Variants in TRIM9 observed in about 807,000 individuals in gnomAD.
The protein encoded by TRIM9 is tripartite motif containing 9, also known as E3 ubiquitin-protein ligase TRIM9.
TRIM9 carries 26 observed loss-of-function variants against 78.3 expected under a neutral mutation model. The ratio of observed to expected loss-of-function variants is 0.33; its 90% CI spans 0.24 to 0.46. The LOEUF is 0.46. Among genes scored for constraint, TRIM9 ranks in the 20% least tolerant of loss-of-function variants. The probability of loss-of-function intolerance (pLI) is 1.00; values close to 1 mark genes in which losing one functional copy is unlikely to be tolerated. For synonymous variants in TRIM9, 398 were observed against 416.5 expected (o/e 0.96, Z 0.54); for missense variants, 787 against 1,036.4 (o/e 0.76, Z 3.30).
At chr14:50,994,268 A>T (rs2053913475) in intron 7 of TRIM9, among the ~76,000 whole-genome samples, 1 of 152,216 alleles carries the variant, frequency 6.6e-6, no homozygotes, top group African/African-American at 2.4e-5. Flanking sequence ...TTAGCCAGAC[A>T]TGGTGGCACA....
chr14:51,036,594 T>C (rs541363149), intron 1 of TRIM9, among the ~76,000 whole-genome samples: 3 of 152,344 alleles, frequency 2.0e-5, no homozygotes, highest in Admixed American at 2.0e-4. Context: ...AAGTACTATG[T>C]AAATAATTGT....
chr14:51,016,949 G>A (rs904223463), intron 3 of TRIM9, among the ~76,000 whole-genome samples: 9 of 152,146 alleles, frequency 5.9e-5, no homozygotes, highest in Non-Finnish European at 8.8e-5. Context: ...TTCTCCATGC[G>A]TCCTTTTGAT....
chr14:51,093,922 G>T (rs1231726199), intron 1 of TRIM9, among the ~76,000 whole-genome samples, 196 bp downstream of exon 1: 1 of 152,230 alleles, frequency 6.6e-6, no homozygotes. Context: ...CTCTGTGGGG[G>T]CATTCAACTC....
At chr14:51,051,025 T>C (rs1566616695) in intron 1 of TRIM9, among the ~76,000 whole-genome samples, 1 of 152,124 alleles carries the variant, frequency 6.6e-6, no homozygotes, top group Admixed American at 6.5e-5. Flanking sequence ...AGATAATGAG[T>C]TGTTTTTAGT....
Position 50,979,411 on chromosome 14 carries a change from C to G in TRIM9, c.2301G>C (p.Ala767=), listed in dbSNP as rs766028649. 6.2e-7 allele frequency: 1 copy of G among 1,614,136 alleles called. No homozygotes were observed. Among genetic ancestry groups the G allele is most frequent in the Non-Finnish European group, 8.5e-7 (1 of 1,180,020 alleles). Residue 767 remains alanine, a synonymous_variant, in exon 12 of 13, where the codon GCG becomes GCC. Coordinates refer to ENST00000684578, the MANE Select transcript of TRIM9 (RefSeq NM_001387360.1). ...CCTGCACGTTCCTGTTCAGGCTGAC[C>G]GCAGGGAAGAAGAGGCCCTCCACGT... ...FDNVEGLFFP[A]VSLNRNVQVT...
At position 50,997,124 on chromosome 14, in the gene TRIM9, A is replaced by C. The variant is rs947501464; in HGVS notation, c.1603+926T>G. On this transcript the variant is annotated intron_variant, in intron 7 of 12. Transcript: ENST00000684578. ...AGGTGGGGGGGTGATTTCTTTGATTAAAATGACACCCCAAAGTGTCAGAAT... is the reference window on the plus strand; with the variant it reads ...AGGTGGGGGGGTGATTTCTTTGATTCAAATGACACCCCAAAGTGTCAGAAT... 4 of 985,320 alleles carry C rather than the reference A, an allele frequency of 4.1e-6. No homozygotes were observed. The South Asian group carries it at 1.9e-4, about 46-fold the overall frequency. 61.0% of individuals were successfully genotyped at this position (985,320 alleles called of 1,614,324 possible). A position where few individuals can be genotyped will look rare whatever the true frequency, so the allele number is the denominator to read the frequency against.
intron 1 of TRIM9, 128 bp downstream of exon 1, chr14:51,093,990 T>C: frequency 1.1e-6 from 1 of 894,544 alleles, no homozygotes; most frequent in Non-Finnish European, 1.7e-6. Context: ...ACCAGGGAGG[T>C]AAACATCGAA....
At chr14:51,029,757 A>T (rs1448493063) in intron 1 of TRIM9, among the ~76,000 whole-genome samples, 1 of 144,250 alleles carries the variant, frequency 6.9e-6, no homozygotes, top group Non-Finnish European at 1.6e-5. Context: ...CATTTTGCAG[A>T]GGTGCCGAGA....
chr14:51,079,718 G>C (rs1478173234), intron 1 of TRIM9, among the ~76,000 whole-genome samples: 1 of 152,178 alleles, frequency 6.6e-6, no homozygotes, highest in Admixed American at 6.5e-5. Context: ...TCAATGTCAG[G>C]CTGGAGGTAA....
At chr14:51,085,730 T>A (rs893816109) in intron 1 of TRIM9, among the ~76,000 whole-genome samples, 1 of 152,244 alleles carries the variant, frequency 6.6e-6, no homozygotes, top group Non-Finnish European at 1.5e-5. Flanking sequence ...AATCTACTTA[T>A]TAGTTTATGG....
intron 1 of TRIM9, chr14:51,090,570 AT>A (rs2064209564): frequency 6.6e-6 from 1 of 152,228 alleles, no homozygotes; most frequent in Admixed American, 6.5e-5. Context: ...ACACAGAATA[AT>A]TGTTACAAAT....
intron 3 of TRIM9, among the ~76,000 whole-genome samples, chr14:51,016,919 A>T (rs545631302): frequency 1.3e-5 from 2 of 152,326 alleles, no homozygotes; most frequent in African/African-American, 4.8e-5. Flanking sequence ...TACTTTTAAG[A>T]TGCAAGTTTG....
intron 11 of TRIM9, among the ~76,000 whole-genome samples, chr14:50,981,317 T>A (rs1566539867): frequency 6.6e-6 from 1 of 152,216 alleles, no homozygotes; most frequent in Non-Finnish European, 1.5e-5. Flanking sequence ...TGAATCGTAA[T>A]AAGAAGAATG....
rs1179854969 is a variant in TRIM9 at position 50,998,170 on chromosome 14, C to T, written c.1483G>A (p.Glu495Lys). 1.2e-6 allele frequency: 2 copies of T among 1,614,060 alleles called. No homozygotes were observed. The highest frequency in any genetic ancestry group is 2.7e-5 in the African/African-American group (2 of 74,922). ...GQFREVYVGK[E>K]TMCTVDGLHF... ...AGACCATCCACAGTGCACATTGTCTCCTTCCCCACATACACCTCCTGAGAG... is the reference window on the plus strand; with the variant it reads ...AGACCATCCACAGTGCACATTGTCTTCTTCCCCACATACACCTCCTGAGAG... Residue 495 changes from glutamate (E) to lysine (K), a missense_variant, in exon 7 of 13, where the codon GAG (glutamate) becomes AAG (lysine). Physicochemically the swap from Glu to Lys is moderately conservative, Grantham distance 56. This residue lies in a region of TRIM9 where 421 missense variants were observed against 514.3 expected (regional missense o/e 0.82). Coordinates refer to ENST00000684578, the MANE Select transcript of TRIM9 (RefSeq NM_001387360.1).
At chr14:50,982,152 T>G (rs745930622) in intron 10 of TRIM9, 49 bp from the exon 11 acceptor site, 1 of 1,596,364 alleles carries the variant, frequency 6.3e-7, no homozygotes, top group East Asian at 2.3e-5. Flanking sequence ...CCCAACAAGC[T>G]CAGCACCATA....
At position 51,009,225 on chromosome 14, in the gene TRIM9, G is replaced by A. The variant is rs765530241; in HGVS notation, c.1161C>T (p.Asp387=). Reference sequence around the variant, plus strand: ...TCAGGTGCACTCTTCTTATGAGGGCGTCAGAAATCTAATCAGATAAAGAGG... The same window carrying A: ...TCAGGTGCACTCTTCTTATGAGGGCATCAGAAATCTAATCAGATAAAGAGG... ...NDPSGFLQIS[D]ALIRRVHLTE... is the part of the protein sequence containing the mutation. Residue 387 remains aspartate, a synonymous_variant, in exon 5 of 13, where the codon GAC becomes GAT. Coordinates refer to ENST00000684578, the MANE Select transcript of TRIM9 (RefSeq NM_001387360.1). 29 of 1,613,804 alleles carry A rather than the reference G, an allele frequency of 1.8e-5. No individual in the cohort carries two copies. The highest frequency in any genetic ancestry group is 8.0e-5 in the African/African-American group (6 of 74,902).
intron 2 of TRIM9, among the ~76,000 whole-genome samples, chr14:51,023,586 T>C (rs1321105422): frequency 6.6e-6 from 1 of 152,230 alleles, no homozygotes; most frequent in Non-Finnish European, 1.5e-5. Context: ...TCATACTAAG[T>C]GAATTATAGC....
rs138665052 is a variant in TRIM9 at position 51,002,144 on chromosome 14, C to T, written c.1307-1304G>A. The stretch of plus-strand genomic sequence containing the variant: ...GTGTGTGTTTTTCTTTTTTTTGAGA[C>T]GCAGTCTCGCTCTGTCGTCCAGGCT... On this transcript the variant is annotated intron_variant, in intron 5 of 12. Coordinates refer to ENST00000684578, the MANE Select transcript of TRIM9 (RefSeq NM_001387360.1). Among the ~76,000 whole-genome samples the T allele has an allele frequency of 3.1e-3, 472 of 152,076 alleles. 2 individuals are homozygous for T. The highest frequency in any genetic ancestry group is 0.011 in the African/African-American group (447 of 41,494).
At chr14:51,062,647 GT>G (rs1168623783) in intron 1 of TRIM9, among the ~76,000 whole-genome samples, 1 of 152,216 alleles carries the variant, frequency 6.6e-6, no homozygotes, top group Non-Finnish European at 1.5e-5. Context: ...TTATTGGCCA[GT>G]GGTGAGGGAA....
Sources: gnomAD v4.1 joint callset for allele counts (sites outside exome capture counted in the v4.1 genomes callset) on GRCh38, gnomAD v4.1.1 for gene constraint, gnomAD v4.1.1 regional missense constraint, MANE v1.5 for transcripts, NCBI Gene and HGNC (gene_info 2026-07-23, HGNC 2026-07-21) for gene names.